Variants in RNF207 observed in about 807,000 individuals in gnomAD.
The protein encoded by RNF207 is OTTHUMG00000001089.
RNF207 carries 72 observed loss-of-function variants against 79.0 expected under a neutral mutation model. The ratio of observed to expected loss-of-function variants is 0.91; its 90% CI spans 0.75 to 1.11. The LOEUF is 1.11. Among genes scored for constraint, RNF207 ranks in the 50% least tolerant of loss-of-function variants. RNF207 has a pLI of 0.00. For synonymous variants in RNF207, 348 were observed against 366.2 expected, an observed-to-expected ratio of 0.95 and a Z score of 0.57; for missense variants, 936 against 855.8, an observed-to-expected ratio of 1.09 and a Z score of -1.17.
At chr1:6,206,771 C>G (rs771699481) in intron 2 of RNF207, 45 bp downstream of exon 2, 19 of 1,545,472 alleles carry the variant, frequency 1.2e-5, no homozygotes, top group Non-Finnish European at 1.6e-5. Flanking sequence ...CCCCATCCCC[C>G]GGGCCCAAGG....
In RNF207 at chr1:6,219,450, CA is replaced by C. The variant is rs758074530; in HGVS notation, c.*45del. 1 of 1,434,544 alleles carries C rather than the reference CA, an allele frequency of 7.0e-7. No homozygotes were observed. The highest frequency in any genetic ancestry group is 2.0e-5 in the Admixed American group (1 of 48,788). The allele number at this position is 1,434,544 out of a possible 1,614,324, so 88.9% of individuals were successfully genotyped here. ...CAGGGTCAGGCTCTTAGAGCAGGCA[CA>C]AGACTGGGACACTGGACAGAAGGTT... On this transcript the variant is annotated 3_prime_UTR_variant, in exon 18 of 18. Transcript: ENST00000377939.
In RNF207 at chr1:6,219,803, G is replaced by C. The variant is rs1252051926; in HGVS notation, c.*396G>C. The C allele has an allele frequency of 2.0e-5, 3 of 149,818 alleles. No homozygotes were observed. The highest frequency in any genetic ancestry group is 1.5e-5 in the Non-Finnish European group (1 of 68,030). 9.3% of individuals were successfully genotyped at this position (149,818 alleles called of 1,614,324 possible). On this transcript the variant is annotated 3_prime_UTR_variant, in exon 18 of 18. Transcript: ENST00000377939. ...GTCACCGCGCCTGGCCAATGTTGTT[G>C]TTGTTTTTAAGACAGAATTTCACTC...
At chr1:6,209,597 G>C in intron 7 of RNF207, 58 bp downstream of exon 7, 1 of 1,415,602 alleles carries the variant, frequency 7.1e-7, no homozygotes, top group Non-Finnish European at 9.2e-7. Context: ...ACACAGGGCT[G>C]GTCCCTTGCC....
chr1:6,212,677 T>G lies in RNF207; in HGVS notation c.1483-5T>G. 6.2e-7 allele frequency: 1 copy of G among 1,613,286 alleles called. No homozygotes were observed. The highest frequency in any genetic ancestry group is 8.5e-7 in the Non-Finnish European group (1 of 1,179,308). On this transcript the variant is annotated splice_region_variant and splice_polypyrimidine_tract_variant and intron_variant, in intron 14 of 17. Coordinates refer to ENST00000377939, the MANE Select transcript of RNF207 (RefSeq NM_207396.3). ...CACATCCAATGTCCAGCTTTTCTCTTTCAGATTTGGGAGGAAGCCTATCAG... is the reference window on the plus strand; with the variant it reads ...CACATCCAATGTCCAGCTTTTCTCTGTCAGATTTGGGAGGAAGCCTATCAG...
Position 6,209,268 on chromosome 1 carries a change from G to A in RNF207, c.552G>A (p.Lys184=). The A allele has an allele frequency of 2.6e-6, 4 of 1,549,300 alleles. No homozygotes were observed. The South Asian group carries it at 3.6e-5, about 14-fold the overall frequency. The change falls in exon 6 of 18, where the codon AAG becomes AAA. Residue 184 remains lysine, a splice_region_variant and synonymous_variant. Transcript: ENST00000377939. ...LCIRCFRDMQ[K]ESRAHCVDLE... is the part of the protein sequence containing the mutation. The stretch of plus-strand genomic sequence containing the variant: ...GGGCCTCACCCGCCGCCTTCTGCAG[G>A]GAGAGCCGGGCACACTGCGTGGACC...
intron 16 of RNF207, among the ~76,000 whole-genome samples, chr1:6,215,132 C>T (rs754976374): frequency 2.6e-5 from 4 of 151,542 alleles, no homozygotes; most frequent in Non-Finnish European, 4.4e-5. Context: ...TGGTTCAAGC[C>T]ATTCTCCAGC....
At chr1:6,216,918 G>T (rs1668381222) in intron 16 of RNF207, among the ~76,000 whole-genome samples, 2 of 152,038 alleles carry the variant, frequency 1.3e-5, no homozygotes, top group Admixed American at 6.5e-5. Flanking sequence ...TGTCCAGGCT[G>T]GAGTGCAGTG....
At position 6,211,886 on chromosome 1, in the gene RNF207, C is replaced by T; in HGVS notation, c.1129C>T (p.Pro377Ser). The change falls in exon 13 of 18, where the codon CCC becomes TCC. Residue 377 changes from proline (P) to serine (S), a missense_variant. Pro to Ser is a moderately conservative substitution (Grantham distance 74). Coordinates refer to ENST00000377939, the MANE Select transcript of RNF207 (RefSeq NM_207396.3). This position sits in a 1 kb window ranked among gnomAD's most constrained non-coding sequence, Gnocchi z 4.2. ...GANTLAGGLG[P>S]KALTGPHCPS... ...CCCCAGGCTGGCAGGGGGCTTAGGCCCCAAGGCGCTGACGGGGCCCCACTG... is the reference window on the plus strand; with the variant it reads ...CCCCAGGCTGGCAGGGGGCTTAGGCTCCAAGGCGCTGACGGGGCCCCACTG... The T allele has an allele frequency of 6.5e-7, 1 of 1,549,042 alleles. No homozygotes were observed. Among genetic ancestry groups the T allele is most frequent in the South Asian group, 1.2e-5 (1 of 84,000 alleles).
At chr1:6,208,813 G>A (rs977588181) in intron 3 of RNF207, 68 bp from the exon 4 acceptor site, 61 of 1,453,388 alleles carry the variant, frequency 4.2e-5, no homozygotes, top group Non-Finnish European at 5.4e-5. Context: ...AGTGACACGC[G>A]GCGGCTGCGG....
intron 16 of RNF207, among the ~76,000 whole-genome samples, chr1:6,216,755 A>G (rs888425590): frequency 2.0e-4 from 29 of 143,396 alleles, no homozygotes; most frequent in African/African-American, 7.3e-4. Context: ...TTTTTAGTAG[A>G]GACGGGGTTT....
Position 6,212,041 on chromosome 1 carries a change from G to A in RNF207, c.1284G>A (p.Glu428=), listed in dbSNP as rs1322001439. 2 of 1,601,266 alleles carry A rather than the reference G, an allele frequency of 1.2e-6. No homozygotes were observed. Among genetic ancestry groups the A allele is most frequent in the South Asian group, 1.1e-5 (1 of 89,354 alleles). The change falls in exon 13 of 18, where the codon GAG becomes GAA. Residue 428 remains glutamate, a synonymous_variant. Transcript: ENST00000377939. Reference sequence around the variant, plus strand: ...TCGCAGAGCACTGCCGCCACTATGAGGACTCCTACCGGGTGAGGGGGCAGG... The same window carrying A: ...TCGCAGAGCACTGCCGCCACTATGAAGACTCCTACCGGGTGAGGGGGCAGG... ...TPFAEHCRHY[E]DSYRHLQAEM...
intron 16 of RNF207, among the ~76,000 whole-genome samples, chr1:6,215,535 C>T (rs1416970367): frequency 1.3e-5 from 2 of 152,046 alleles, no homozygotes; most frequent in Non-Finnish European, 2.9e-5. Flanking sequence ...CTTTCTGTAC[C>T]CCGTTTCTTT....
rs1348909950 is a variant in RNF207 at position 6,209,199 on chromosome 1, G to C, written c.551+3G>C. ...CGCTGCTTCCGCGACATGCAGAAGT[G>C]CGTACAGGGGACGCGAGGGGAGGGG... is the stretch of plus-strand genomic sequence containing the variant. On this transcript the variant is annotated splice_donor_region_variant and intron_variant, in intron 5 of 17. Transcript: ENST00000377939. The C allele has an allele frequency of 1.9e-6, 3 of 1,552,842 alleles. No individual in the cohort carries two copies. The highest frequency in any genetic ancestry group is 8.7e-7 in the Non-Finnish European group (1 of 1,147,954).
chr1:6,206,622 C>T lies in RNF207; in HGVS notation c.87C>T (p.His29=), dbSNP rs756962071. ...ACCCGCTGGTGTGCCCGCTGTGCCA[C>T]GTGCAGTACGAGCGCCCGTGTCTTC... The part of the protein sequence containing the change: ...SIHPLVCPLC[H]VQYERPCLLD... Residue 29 remains histidine, a synonymous_variant, in exon 2 of 18, where the codon CAC becomes CAT. Coordinates refer to ENST00000377939, the MANE Select transcript of RNF207 (RefSeq NM_207396.3). 6.2e-7 allele frequency: 1 copy of T among 1,607,754 alleles called. No individual in the cohort carries two copies. Among genetic ancestry groups the T allele is most frequent in the South Asian group, 1.1e-5 (1 of 91,056 alleles).
chr1:6,206,694 G>C lies in RNF207; in HGVS notation c.159G>C (p.Ala53=). 1 of 1,603,114 alleles carries C rather than the reference G, an allele frequency of 6.2e-7. No individual in the cohort carries two copies. The highest frequency in any genetic ancestry group is 8.5e-7 in the Non-Finnish European group (1 of 1,179,694). The part of the protein sequence containing the change: ...DFCAGCLRGR[A]TDGRLTCPLC... Reference sequence around the variant, plus strand: ...GTGCCGGCTGCCTGCGTGGCCGCGCGACCGACGGCCGCCTCACCTGCCCGC... The same window carrying C: ...GTGCCGGCTGCCTGCGTGGCCGCGCCACCGACGGCCGCCTCACCTGCCCGC... The change falls in exon 2 of 18, where the codon GCG becomes GCC. Residue 53 remains alanine (A), a synonymous_variant. Transcript: ENST00000377939.
At chr1:6,214,630 C>CTTTTTTTTTT (rs144139448) in intron 16 of RNF207, among the ~76,000 whole-genome samples, 9 of 70,660 alleles carry the variant, frequency 1.3e-4, no homozygotes, top group African/African-American at 4.8e-4. Flanking sequence ...ATATTTCTTT[C>CTTTTTTTTTT]TTTTTTTTTT....
Position 6,207,634 on chromosome 1 carries a change from C to A in RNF207, c.324+123C>A. ...CTGGCAGTGGATTCTCCAGCACCTCCCTAGGGCACCTTGGCCCCAAATGTG... is the reference window on the plus strand; with the variant it reads ...CTGGCAGTGGATTCTCCAGCACCTCACTAGGGCACCTTGGCCCCAAATGTG... On this transcript the variant is annotated intron_variant, in intron 3 of 17. Transcript: ENST00000377939. The surrounding 1 kb of genome is among the most constrained non-coding windows in gnomAD (Gnocchi z 4.5). The A allele has an allele frequency of 8.8e-7, 1 of 1,133,026 alleles. No homozygotes were observed. The highest frequency in any genetic ancestry group is 1.3e-6 in the Non-Finnish European group (1 of 777,908). 70.2% of individuals were successfully genotyped at this position (1,133,026 alleles called of 1,614,324 possible).
chr1:6,214,425 T>C (rs762058961), intron 16 of RNF207, among the ~76,000 whole-genome samples: 7 of 151,802 alleles, frequency 4.6e-5, no homozygotes, highest in Non-Finnish European at 1.0e-4. Flanking sequence ...CTTTTTGAGA[T>C]GGAGTCTTGC....
chr1:6,208,849 C>T, intron 3 of RNF207, 32 bp from the exon 4 acceptor site: 3 of 1,515,756 alleles, frequency 2.0e-6, no homozygotes, highest in Non-Finnish European at 2.6e-6. Flanking sequence ...CGGTCGGGCT[C>T]TGGCGCTCCT....
Sources: allele counts gnomAD v4.1 joint callset (sites outside exome capture counted in the v4.1 genomes callset), GRCh38; gene constraint gnomAD v4.1.1; non-coding constraint Gnocchi (gnomAD v3.1); transcripts MANE v1.5; gene names NCBI Gene and HGNC (gene_info 2026-07-23, HGNC 2026-07-21).